Variants in ITM2B observed in about 807,000 individuals in gnomAD.
ITM2B encodes the protein ABri/ADan amyloid peptide.
A neutral mutation model predicts 27.8 loss-of-function variants in ITM2B; 11 were observed. The observed-to-expected ratio is 0.40, with a 90% CI of 0.25 to 0.66. ITM2B has a LOEUF of 0.66. Ranked by LOEUF, ITM2B falls within the 30% of genes least tolerant of loss-of-function variation. The pLI is 0.43. For synonymous variants in ITM2B, 114 were observed against 114.3 expected, an observed-to-expected ratio of 1.00 and a Z score of 0.02; for missense variants, 296 against 328.9, an observed-to-expected ratio of 0.90 and a Z score of 0.77.
In ITM2B at chr13:48,265,254, G is replaced by A. The variant is rs1462858704; in HGVS notation, c.*4030G>A. The A allele has an allele frequency of 2.6e-5, 4 of 152,064 alleles. No individual in the cohort carries two copies. Among genetic ancestry groups the A allele is most frequent in the Admixed American group, 2.0e-4 (3 of 15,254 alleles). 9.4% of individuals were successfully genotyped at this position (152,064 alleles called of 1,614,324 possible). A position where few individuals can be genotyped will look rare whatever the true frequency, so the allele number is the denominator to read the frequency against. On this transcript the variant is annotated 3_prime_UTR_variant, in exon 6 of 6. Transcript: ENST00000647800. ...CAGTCCCATTCCCCAACAGTTTAAC[G>A]TGCGATACAATAATGTGTGACACAA...
rs9534998 is a variant in ITM2B, at chr13:48,243,152, C to A, written c.117+9675C>A. On this transcript the variant is annotated intron_variant, in intron 1 of 5. Transcript: ENST00000647800. ...ATTGATGAGGCATCCTCTGATCGTC[C>A]TCTTCAAAGTTCCAAGATTGTCTCC... Among the ~76,000 whole-genome samples, 24 of 152,206 alleles carry A rather than the reference C, an allele frequency of 1.6e-4. 2 individuals carry two copies. The South Asian group carries it at 5.0e-3, about 32-fold the overall frequency.
intron 2 of ITM2B, 91 bp from the exon 3 acceptor site, chr13:48,256,086 C>T: frequency 1.1e-6 from 1 of 888,956 alleles, no homozygotes; most frequent in Non-Finnish European, 1.9e-6. Context: ...AAGCAAAATG[C>T]TATTTAGATA....
chr13:48,256,167 C>T lies in ITM2B; in HGVS notation c.247-10C>T. ...TGAATTGCTGAAATGAGTCTTTAAACTCTCTATAGCCAGATGACGTGTACT... is the reference window on the plus strand; with the variant it reads ...TGAATTGCTGAAATGAGTCTTTAAATTCTCTATAGCCAGATGACGTGTACT... On this transcript the variant is annotated splice_polypyrimidine_tract_variant and intron_variant, in intron 2 of 5. Coordinates refer to ENST00000647800, the MANE Select transcript of ITM2B (RefSeq NM_021999.5). 1 of 1,600,604 alleles carries T rather than the reference C, an allele frequency of 6.2e-7. No individual in the cohort carries two copies. The highest frequency in any genetic ancestry group is 8.6e-7 in the Non-Finnish European group (1 of 1,168,494).
At chr13:48,255,682 T>C (rs1470774716) in intron 2 of ITM2B, among the ~76,000 whole-genome samples, 1 of 152,146 alleles carries the variant, frequency 6.6e-6, no homozygotes, top group East Asian at 1.9e-4. Flanking sequence ...CACTGAATTG[T>C]GATATAAAGG....
chr13:48,246,442 A>C (rs937689777), intron 1 of ITM2B, among the ~76,000 whole-genome samples: 6 of 152,234 alleles, frequency 3.9e-5, no homozygotes, highest in Non-Finnish European at 8.8e-5. Context: ...AAATGCAAAC[A>C]AATGTTTGAT....
Position 48,256,191 on chromosome 13 carries a change from C to T in ITM2B, c.261C>T (p.Tyr87=). Residue 87 remains tyrosine (Y), a synonymous_variant, in exon 3 of 6, where the codon TAC becomes TAT. Transcript: ENST00000647800. ...KYFALQPDDV[Y]YCGIKYIKDD... Reference sequence around the variant, plus strand: ...ACTCTCTATAGCCAGATGACGTGTACTACTGTGGAATAAAGTACATCAAAG... The same window carrying T: ...ACTCTCTATAGCCAGATGACGTGTATTACTGTGGAATAAAGTACATCAAAG... 4 of 1,612,232 alleles carry T rather than the reference C, an allele frequency of 2.5e-6. No homozygotes were observed. Among genetic ancestry groups the T allele is most frequent in the South Asian group, 1.1e-5 (1 of 91,030 alleles).
intron 2 of ITM2B, chr13:48,254,842 A>G (rs1281854823): frequency 6.6e-6 from 1 of 152,044 alleles, no homozygotes; most frequent in African/African-American, 2.4e-5. Flanking sequence ...AATCATCGCA[A>G]TTCCATTTTC....
chr13:48,243,193 A>G (rs1951709091), intron 1 of ITM2B, among the ~76,000 whole-genome samples: 1 of 152,244 alleles, frequency 6.6e-6, no homozygotes, highest in African/African-American at 2.4e-5. Flanking sequence ...GAGGAATTTT[A>G]GAGGCAACTC....
At position 48,269,997 on chromosome 13, in the gene ITM2B, G is replaced by A. The variant is rs747257860; in HGVS notation, c.*8773G>A. The A allele has an allele frequency of 1.3e-5, 2 of 152,230 alleles. No individual in the cohort carries two copies. Among genetic ancestry groups the A allele is most frequent in the African/African-American group, 4.8e-5 (2 of 41,446 alleles). The allele number at this position is 152,230 out of a possible 1,614,324, so 9.4% of individuals were successfully genotyped here. A position where few individuals can be genotyped will look rare whatever the true frequency, so the allele number is the denominator to read the frequency against. On this transcript the variant is annotated 3_prime_UTR_variant, in exon 6 of 6. Transcript: ENST00000647800. The stretch of plus-strand genomic sequence containing the variant: ...CCTTGGCTTCCCTTCTTTTCTCACA[G>A]AGGCTTTTCCAGAAGGTGGTCATTT...
intron 1 of ITM2B, among the ~76,000 whole-genome samples, chr13:48,250,528 G>A (rs574707753): frequency 7.6e-4 from 116 of 151,904 alleles, no homozygotes; most frequent in Non-Finnish European, 1.4e-3. Flanking sequence ...AGAGGCAGAA[G>A]AATGGTGTGA....
chr13:48,256,561 C>CTT (rs1395254118), intron 3 of ITM2B, among the ~76,000 whole-genome samples, 178 bp downstream of exon 3: 1 of 152,164 alleles, frequency 6.6e-6, no homozygotes, highest in African/African-American at 2.4e-5. Flanking sequence ...CTTCTCATAT[C>CTT]TTATCTCTCC....
At chr13:48,255,387 G>T (rs1047780880) in intron 2 of ITM2B, among the ~76,000 whole-genome samples, 1 of 152,052 alleles carries the variant, frequency 6.6e-6, no homozygotes, top group Non-Finnish European at 1.5e-5. Context: ...AACCTCTTGG[G>T]CTCAGGCAAT....
In ITM2B at chr13:48,267,486, A is replaced by G. The variant is rs1018764260; in HGVS notation, c.*6262A>G. On this transcript the variant is annotated 3_prime_UTR_variant, in exon 6 of 6. Transcript: ENST00000647800. ...ATGAGTCCCTAGATTCTAGCCCTGC[A>G]GCTAGCTGACACTCTAAAAAATTAT... 6.6e-6 allele frequency: 1 copy of G among 152,150 alleles called. No individual in the cohort carries two copies. The allele number at this position is 152,150 out of a possible 1,614,324, so 9.4% of individuals were successfully genotyped here.
chr13:48,238,983 T>C (rs566611999), intron 1 of ITM2B, among the ~76,000 whole-genome samples: 68 of 152,304 alleles, frequency 4.5e-4, no homozygotes, highest in Admixed American at 4.4e-3. Context: ...TCTCTGCTTA[T>C]ATATGATTAT....
chr13:48,242,404 T>C (rs1449684994), intron 1 of ITM2B, among the ~76,000 whole-genome samples: 1 of 151,228 alleles, frequency 6.6e-6, no homozygotes, highest in Non-Finnish European at 1.5e-5. Context: ...TTTCTTTCTT[T>C]CTTTCTTTTT....
rs1951844436 is a variant in ITM2B at position 48,264,989 on chromosome 13, T to C, written c.*3765T>C. Reference sequence around the variant, plus strand: ...ACACTTTTAATCTTCCAGCCACCTATTGCAGATTGGTTCTGAGAAGCAGGA... The same window carrying C: ...ACACTTTTAATCTTCCAGCCACCTACTGCAGATTGGTTCTGAGAAGCAGGA... On this transcript the variant is annotated 3_prime_UTR_variant, in exon 6 of 6. Transcript: ENST00000647800. 1 of 152,180 alleles carries C rather than the reference T, an allele frequency of 6.6e-6. No homozygotes were observed. The highest frequency in any genetic ancestry group is 1.5e-5 in the Non-Finnish European group (1 of 68,032). 9.4% of individuals were successfully genotyped at this position (152,180 alleles called of 1,614,324 possible). A position where few individuals can be genotyped will look rare whatever the true frequency, so the allele number is the denominator to read the frequency against.
intron 1 of ITM2B, among the ~76,000 whole-genome samples, chr13:48,249,173 TCCCCAG>T (rs1194785864): frequency 6.6e-6 from 1 of 152,212 alleles, no homozygotes; most frequent in Non-Finnish European, 1.5e-5. Context: ...AGTCTCCCCT[TCCCCAG>T]CCAGTAAGCT....
At chr13:48,256,447 T>A (rs1951789653) in intron 3 of ITM2B, 64 bp downstream of exon 3, 1 of 1,207,784 alleles carries the variant, frequency 8.3e-7, no homozygotes, top group Admixed American at 1.7e-5. Context: ...TTTTGTAGTT[T>A]TAATTTCAAT....
intron 1 of ITM2B, among the ~76,000 whole-genome samples, chr13:48,253,227 G>A (rs990299463): frequency 5.3e-5 from 8 of 152,052 alleles, no homozygotes; most frequent in Non-Finnish European, 8.8e-5. Flanking sequence ...ATATAATTTT[G>A]TCCTATTTTT....
Sources: gnomAD v4.1 joint callset for allele counts (sites outside exome capture counted in the v4.1 genomes callset) on GRCh38, gnomAD v4.1.1 for gene constraint, MANE v1.5 for transcripts, NCBI Gene and HGNC (gene_info 2026-07-23, HGNC 2026-07-21) for gene names.